Variants in GUCA1C observed in about 807,000 individuals in gnomAD.
GUCA1C encodes the protein guanylyl cyclase-activating protein 3.
GUCA1C carries 15 observed loss-of-function variants against 16.2 expected under a neutral mutation model. The ratio of observed to expected loss-of-function variants is 0.93; its 90% CI spans 0.62 to 1.43. The LOEUF (loss-of-function observed/expected upper bound fraction) is 1.43. GUCA1C is among the 40% of genes most tolerant of loss of function. The pLI is 0.00. For missense variants in GUCA1C, 275 were observed against 244.8 expected (o/e 1.12, Z -0.82); for synonymous variants, 78 against 85.4 (o/e 0.91, Z 0.48).
chr3:108,940,350 T>A (rs530300735), intron 1 of GUCA1C, among the ~76,000 whole-genome samples: 1 of 152,182 alleles, frequency 6.6e-6, no homozygotes, highest in Non-Finnish European at 1.5e-5. Context: ...TGAACAGCAG[T>A]GATTATGACA....
Position 108,908,194 on chromosome 3 carries a change from T to G in GUCA1C, c.458A>C (p.Glu153Ala). The change falls in exon 4 of 4, where the codon GAA becomes GCA. Residue 153 changes from glutamate (E) to alanine (A), a missense_variant. Glu to Ala is a moderately radical substitution (Grantham distance 107, BLOSUM62 -1). Coordinates refer to ENST00000261047, the MANE Select transcript of GUCA1C (RefSeq NM_005459.4). ...TTTTGCCATGCCATTGATAAATTCT[T>G]CTAAAGTCAATTCCCCTGGAAAATA... is the stretch of plus-strand genomic sequence containing the variant. Reference protein sequence around the residue: ...DINNDGELTLEEFINGMAKDQ... With the variant: ...DINNDGELTLAEFINGMAKDQ... 6.2e-7 allele frequency: 1 copy of G among 1,612,658 alleles called. No homozygotes were observed. Among genetic ancestry groups the G allele is most frequent in the Non-Finnish European group, 8.5e-7 (1 of 1,178,744 alleles).
Position 108,953,703 on chromosome 3 carries a change from A to G in GUCA1C, c.60T>C (p.His20=), listed in dbSNP as rs1390990599. 5.6e-6 allele frequency: 9 copies of G among 1,613,292 alleles called. No individual in the cohort carries two copies. The highest frequency in any genetic ancestry group is 6.8e-6 in the Non-Finnish European group (8 of 1,179,344). ...DQKAVPTQET[H]VWYRTFMMEY... Reference sequence around the variant, plus strand: ...CCATCATAAATGTTCTGTACCACACATGGGTCTCTTGTGTAGGAACTGCTT... The same window carrying G: ...CCATCATAAATGTTCTGTACCACACGTGGGTCTCTTGTGTAGGAACTGCTT... Residue 20 remains histidine, a synonymous_variant, in exon 1 of 4, where the codon CAT becomes CAC. Transcript: ENST00000261047.
chr3:108,920,471 A>G lies in GUCA1C; in HGVS notation c.319T>C (p.Ser107Pro). The stretch of plus-strand genomic sequence containing the variant: ...TCCAGTAGTTCATTTTTGTCAATAG[A>G]ACCATTTCCATCAGCATCATACAGC... ...FKLYDADGNGSIDKNELLDMF... is the reference protein window; with the variant it reads ...FKLYDADGNGPIDKNELLDMF... Residue 107 changes from serine (S) to proline (P), a missense_variant, in exon 2 of 4, where the codon TCT (serine) becomes CCT (proline). Transcript: ENST00000261047. 6.2e-7 allele frequency: 1 copy of G among 1,608,188 alleles called. No individual in the cohort carries two copies. Among genetic ancestry groups the G allele is most frequent in the Non-Finnish European group, 8.5e-7 (1 of 1,174,964 alleles).
rs146832257 is a variant in GUCA1C, at chr3:108,937,060, T to C, written c.205-16475A>G. 1.9e-3 allele frequency among the ~76,000 whole-genome samples: 291 copies of C among 152,248 alleles called. 1 individual carries two copies. The highest frequency in any genetic ancestry group is 0.01 in the Middle Eastern group (3 of 294). ...GACAATAGTCTCCCTCAGCCTACAG[T>C]GTACCCAGGAAATGTTCCCAAATGC... On this transcript the variant is annotated intron_variant, in intron 1 of 3. Coordinates refer to ENST00000261047, the MANE Select transcript of GUCA1C (RefSeq NM_005459.4).
At chr3:108,928,389 G>T (rs1352357804) in intron 1 of GUCA1C, among the ~76,000 whole-genome samples, 1 of 152,196 alleles carries the variant, frequency 6.6e-6, no homozygotes, top group Non-Finnish European at 1.5e-5. Flanking sequence ...CTCCCAGTTG[G>T]TGGCTTGTCT....
chr3:108,936,781 C>A (rs953581043), intron 1 of GUCA1C, among the ~76,000 whole-genome samples: 2 of 152,126 alleles, frequency 1.3e-5, no homozygotes, highest in Non-Finnish European at 2.9e-5. Flanking sequence ...AGCCTGTGTT[C>A]TTTTCATACT....
chr3:108,954,646 G>A (rs932810930), upstream of GUCA1C, among the ~76,000 whole-genome samples: 12 of 151,998 alleles, frequency 7.9e-5, no homozygotes, highest in Non-Finnish European at 1.5e-4. Flanking sequence ...TGCTTTGTGT[G>A]GTCCTCAACC....
intron 2 of GUCA1C, among the ~76,000 whole-genome samples, chr3:108,919,770 T>C (rs1485528896): frequency 4.6e-5 from 7 of 152,192 alleles, no homozygotes; most frequent in Non-Finnish European, 8.8e-5. Flanking sequence ...CTAAGACATC[T>C]AATTCTAATG....
At chr3:108,946,352 G>A (rs890329962) in intron 1 of GUCA1C, among the ~76,000 whole-genome samples, 2 of 151,914 alleles carry the variant, frequency 1.3e-5, no homozygotes, top group African/African-American at 4.8e-5. Context: ...TGCTGGTCTC[G>A]AACTCCTGCA....
chr3:108,931,238 T>C (rs1946663543), intron 1 of GUCA1C, among the ~76,000 whole-genome samples: 3 of 152,278 alleles, frequency 2.0e-5, no homozygotes, highest in African/African-American at 7.2e-5. Context: ...CAATGTCACC[T>C]GCATGATGAA....
intron 1 of GUCA1C, among the ~76,000 whole-genome samples, chr3:108,945,570 A>C (rs1187333153): frequency 6.6e-6 from 1 of 152,200 alleles, no homozygotes; most frequent in Non-Finnish European, 1.5e-5. Flanking sequence ...TCTTTCCCAG[A>C]GACAGATCTT....
At chr3:108,950,683 T>C (rs1340107278) in intron 1 of GUCA1C, among the ~76,000 whole-genome samples, 1 of 152,200 alleles carries the variant, frequency 6.6e-6, no homozygotes, top group African/African-American at 2.4e-5. Flanking sequence ...ACTATCCTAA[T>C]AGGCTTGCTT....
intron 2 of GUCA1C, among the ~76,000 whole-genome samples, chr3:108,918,627 C>A (rs529466174): frequency 6.6e-6 from 1 of 152,266 alleles, no homozygotes; most frequent in East Asian, 1.9e-4. Context: ...CTGTTTTATA[C>A]CCTTGAAGTG....
intron 2 of GUCA1C, among the ~76,000 whole-genome samples, chr3:108,917,586 CGCAGGAGAGAAAGGGAA>C (rs1480178265): frequency 6.6e-6 from 1 of 151,902 alleles, no homozygotes; most frequent in African/African-American, 2.4e-5. Flanking sequence ...AGCAGGAGGA[CGCAGGAGAGAAAGGGAA>C]GCAGGAGAGT....
chr3:108,953,502 AG>A, intron 1 of GUCA1C, 56 bp downstream of exon 1: 3 of 1,053,808 alleles, frequency 2.8e-6, no homozygotes, highest in African/African-American at 1.6e-5. Flanking sequence ...AAAAAAAAAA[AG>A]GGAAGAGTGC....
At chr3:108,935,712 A>G (rs1946720716) in intron 1 of GUCA1C, among the ~76,000 whole-genome samples, 1 of 151,980 alleles carries the variant, frequency 6.6e-6, no homozygotes. Flanking sequence ...AACAAAAACA[A>G]CAAAAAAAGA....
chr3:108,935,065 G>A (rs558316368), intron 1 of GUCA1C, among the ~76,000 whole-genome samples: 1 of 151,846 alleles, frequency 6.6e-6, no homozygotes, highest in African/African-American at 2.4e-5. Flanking sequence ...CGCCCGCCTC[G>A]GCCTCCCAAA....
chr3:108,920,402 C>T (rs760976056), intron 2 of GUCA1C, 34 bp downstream of exon 2: 16 of 1,552,888 alleles, frequency 1.0e-5, no homozygotes, highest in African/African-American at 4.1e-5. Flanking sequence ...AACTATATAG[C>T]GGCCTGAAAA....
At chr3:108,911,587 C>T (rs982185062) in intron 3 of GUCA1C, among the ~76,000 whole-genome samples, 1 of 152,152 alleles carries the variant, frequency 6.6e-6, no homozygotes, top group African/African-American at 2.4e-5. Context: ...CATTTAGCAA[C>T]ATTTTACAGG....
Sources: gnomAD v4.1 joint callset for allele counts (sites outside exome capture counted in the v4.1 genomes callset) on GRCh38, gnomAD v4.1.1 for gene constraint, MANE v1.5 for transcripts, NCBI Gene and HGNC (gene_info 2026-07-23, HGNC 2026-07-21) for gene names.